Variants in C1orf167 observed in about 807,000 individuals in gnomAD.
C1orf167 encodes chromosome 1 open reading frame 167.
A neutral mutation model predicts 176.5 loss-of-function variants in C1orf167; 153 were observed. The observed-to-expected ratio is 0.87, with a 90% confidence interval of 0.76 to 0.99. The LOEUF is 0.99. Ranked by LOEUF, C1orf167 falls within the 50% of genes least tolerant of loss-of-function variation. The pLI is 0.00. For missense variants in C1orf167, 1,490 were observed against 1,817.7 expected, an observed-to-expected ratio of 0.82 and a Z score of 3.28; for synonymous variants, 594 against 752.7, an observed-to-expected ratio of 0.79 and a Z score of 3.45.
chr1:11,771,899 A>G (rs923985953), intron 7 of C1orf167, among the ~76,000 whole-genome samples, 183 bp from the exon 8 acceptor site: 16 of 152,176 alleles, frequency 1.1e-4, no homozygotes, highest in Admixed American at 7.2e-4. Flanking sequence ...CACGGCCTGC[A>G]TTTCTGGGCT....
chr1:11,769,861 C>T (rs960874137), intron 6 of C1orf167, among the ~76,000 whole-genome samples: 10 of 151,968 alleles, frequency 6.6e-5, no homozygotes, highest in East Asian at 2.0e-4. Context: ...TTAGTAGAGA[C>T]GGGGTTTCAC....
chr1:11,772,772 A>G (rs1163210410), intron 8 of C1orf167, among the ~76,000 whole-genome samples: 1 of 152,228 alleles, frequency 6.6e-6, no homozygotes, highest in East Asian at 1.9e-4. Context: ...GGGAACAGAC[A>G]GGAAACTAGC....
rs1557732047 is a variant in C1orf167 at position 11,775,576 on chromosome 1, GGTGACCC to G, written c.2131_2137del (p.Val711SerfsTer83). The G allele has an allele frequency of 7.7e-7, 1 of 1,303,988 alleles. No individual in the cohort carries two copies. The highest frequency in any genetic ancestry group is 2.3e-5 in the Admixed American group (1 of 43,506). The allele number at this position is 1,303,988 out of a possible 1,614,324, so 80.8% of individuals were successfully genotyped here. ...AGCTCCGGGAATCAGATGGGGCAAAGGTGACCCAGCTGTCCCTCTGCCGGCAGAAAGC... is the reference window on the plus strand; with the variant it reads ...AGCTCCGGGAATCAGATGGGGCAAAGAGCTGTCCCTCTGCCGGCAGAAAGC... On this transcript the variant is annotated frameshift_variant, in exon 9 of 21. Transcript: ENST00000688073. LOFTEE classifies it high-confidence loss of function.
Position 11,782,260 on chromosome 1 carries a change from T to G in C1orf167, c.2932T>G (p.Phe978Val), listed in dbSNP as rs1178444695. The G allele has an allele frequency of 7.7e-7, 1 of 1,302,000 alleles. No individual in the cohort carries two copies. Among genetic ancestry groups the G allele is most frequent in the Non-Finnish European group, 1.0e-6 (1 of 988,210 alleles). The allele number at this position is 1,302,000 out of a possible 1,614,324, so 80.7% of individuals were successfully genotyped here. Residue 978 changes from phenylalanine to valine, a missense_variant, in exon 14 of 21, where the codon TTC becomes GTC. Coordinates refer to ENST00000688073, the MANE Select transcript of C1orf167 (RefSeq NM_001010881.2). ...CCTCCAGGGCCTGCAGAAGGTGGTG[T>G]TCCGGAGCTGGCAGCAGGCAGCAGC... Reference protein sequence around the residue: ...VHLQGLQKVVFRSWQQAAAHQ... With the variant: ...VHLQGLQKVVVRSWQQAAAHQ...
intron 2 of C1orf167, 77 bp downstream of exon 2, chr1:11,764,547 C>T: frequency 8.4e-7 from 1 of 1,195,166 alleles, no homozygotes; most frequent in Non-Finnish European, 1.1e-6. Context: ...AGCCCCCCTC[C>T]CAGGCAGGCC....
At chr1:11,778,866 G>T (rs1643457216) in intron 11 of C1orf167, 50 bp downstream of exon 11, 4 of 1,293,838 alleles carry the variant, frequency 3.1e-6, no homozygotes, top group Non-Finnish European at 4.1e-6. Flanking sequence ...GGGTGGATGG[G>T]TGGAGATTGT....
Position 11,776,428 on chromosome 1 carries a change from G to C in C1orf167, c.2165-36G>C, listed in dbSNP as rs1212782444. 2.3e-6 allele frequency: 3 copies of C among 1,288,310 alleles called. No individual in the cohort carries two copies. In the Admixed American group the frequency reaches 7.3e-5, roughly 31 times the overall value. The allele number at this position is 1,288,310 out of a possible 1,614,324, so 79.8% of individuals were successfully genotyped here. The stretch of plus-strand genomic sequence containing the variant: ...GGCTGTGGGCAGAGTGAGGTCAGTG[G>C]GGAGGCAGCTGACTGGACTCTTGAC... On this transcript the variant is annotated intron_variant, in intron 9 of 20. Transcript: ENST00000688073.
chr1:11,785,076 GC>G, intron 15 of C1orf167, 71 bp from the exon 16 acceptor site: 2 of 1,178,738 alleles, frequency 1.7e-6, no homozygotes, highest in Non-Finnish European at 2.2e-6. Context: ...CTCCCGCAGG[GC>G]ACTGGGGGGG....
In C1orf167 at chr1:11,785,195, G is replaced by C. The variant is rs757588655; in HGVS notation, c.3473G>C (p.Arg1158Pro). The C allele has an allele frequency of 1.6e-5, 21 of 1,291,684 alleles. No homozygotes were observed. The South Asian group carries it at 2.3e-4, about 14-fold the overall frequency. The allele number at this position is 1,291,684 out of a possible 1,614,324, so 80.0% of individuals were successfully genotyped here. Residue 1158 changes from arginine to proline, a missense_variant, in exon 16 of 21, where the codon CGA becomes CCA. Physicochemically the swap from Arg to Pro is moderately radical, Grantham distance 103. Coordinates refer to ENST00000688073, the MANE Select transcript of C1orf167 (RefSeq NM_001010881.2). ...TCGGCGGTGCGCGGCGGTGTCCAGC[G>C]AGCCATCCTCACCCAGCTCCGGCCG... ...VQSAVRGGVQ[R>P]AILTQLRPAE...
intron 2 of C1orf167, among the ~76,000 whole-genome samples, chr1:11,764,946 C>T (rs1030940231): frequency 4.2e-5 from 6 of 144,358 alleles, no homozygotes; most frequent in Middle Eastern, 3.8e-3. Context: ...CCCAGCTACT[C>T]GGGAGGCTGC....
rs1412996728 is a variant in C1orf167, at chr1:11,788,279, G to A, written c.3979G>A (p.Ala1327Thr). ...TGCAGCGCCGGTGCCTCGAGGCACT[G>A]CTTCACGGGCTGCGGGGTTCCCAGC... ...VPAAPVPRGTASRAAGFPAGQ... is the reference protein window; with the variant it reads ...VPAAPVPRGTTSRAAGFPAGQ... The change falls in exon 19 of 21, where the codon GCT (alanine) becomes ACT (threonine). Residue 1327 changes from alanine (A) to threonine (T), a missense_variant. Ala to Thr is a moderately conservative substitution (Grantham distance 58, BLOSUM62 0). Transcript: ENST00000688073. 3 of 1,303,748 alleles carry A rather than the reference G, an allele frequency of 2.3e-6. No individual in the cohort carries two copies. The highest frequency in any genetic ancestry group is 1.5e-5 in the African/African-American group (1 of 65,888). The allele number at this position is 1,303,748 out of a possible 1,614,324, so 80.8% of individuals were successfully genotyped here.
Position 11,788,754 on chromosome 1 carries a change from C to G in C1orf167, c.4173+8C>G. 7.7e-7 allele frequency: 1 copy of G among 1,303,940 alleles called. No individual in the cohort carries two copies. The highest frequency in any genetic ancestry group is 1.0e-6 in the Non-Finnish European group (1 of 988,754). 80.8% of individuals were successfully genotyped at this position (1,303,940 alleles called of 1,614,324 possible). On this transcript the variant is annotated splice_region_variant and intron_variant, in intron 20 of 20. Coordinates refer to ENST00000688073, the MANE Select transcript of C1orf167 (RefSeq NM_001010881.2). ...ACAGCAGCAGGAAGATGGGTGGGTC[C>G]TTTCCCAGGTACTGCCCTCTTCCCT...
At position 11,766,561 on chromosome 1, in the gene C1orf167, C is replaced by A; in HGVS notation, c.775C>A (p.Pro259Thr). Residue 259 changes from proline (P) to threonine (T), a missense_variant, in exon 3 of 21, where the codon CCC becomes ACC. By Grantham distance (38) the Pro-to-Thr change is conservative. Coordinates refer to ENST00000688073, the MANE Select transcript of C1orf167 (RefSeq NM_001010881.2). The surrounding 1 kb of genome is among the most constrained non-coding windows in gnomAD (Gnocchi z 4.5). ...GGCAGCCCGACTCAGGTGCCAGGCT[C>A]CCCAGGAACCCCCCGGTGCTGTGCA... ...QEAARLRCQA[P>T]QEPPGAVQQD... The A allele has an allele frequency of 8.0e-7, 1 of 1,247,392 alleles. No homozygotes were observed. The highest frequency in any genetic ancestry group is 1.0e-6 in the Non-Finnish European group (1 of 967,036). 77.3% of individuals were successfully genotyped at this position (1,247,392 alleles called of 1,614,324 possible). A position where few individuals can be genotyped will look rare whatever the true frequency, so the allele number is the denominator to read the frequency against.
chr1:11,772,705 G>C (rs1182248748), intron 8 of C1orf167, among the ~76,000 whole-genome samples: 2 of 152,204 alleles, frequency 1.3e-5, no homozygotes, highest in African/African-American at 2.4e-5. Flanking sequence ...TATAAGCAAA[G>C]CTTAGTCCCG....
intron 1 of C1orf167, 22 bp downstream of exon 1, chr1:11,762,327 C>T (rs1642545830): frequency 2.7e-6 from 1 of 367,494 alleles, no homozygotes; most frequent in South Asian, 2.0e-5. Context: ...TCCATGAGGG[C>T]AGGAAACTGA....
At position 11,766,696 on chromosome 1, in the gene C1orf167, G is replaced by T; in HGVS notation, c.910G>T (p.Glu304Ter). 7.8e-7 allele frequency: 1 copy of T among 1,289,780 alleles called. No individual in the cohort carries two copies. Among genetic ancestry groups the T allele is most frequent in the Non-Finnish European group, 1.0e-6 (1 of 988,856 alleles). 79.9% of individuals were successfully genotyped at this position (1,289,780 alleles called of 1,614,324 possible). A position where few individuals can be genotyped will look rare whatever the true frequency, so the allele number is the denominator to read the frequency against. Residue 304 changes from glutamate (E) to a stop codon, truncating the protein, a stop_gained, in exon 3 of 21, where the codon GAA (glutamate) becomes TAA (stop). Transcript: ENST00000688073. LOFTEE classifies it high-confidence loss of function. This position sits in a 1 kb window ranked among gnomAD's most constrained non-coding sequence, Gnocchi z 4.5. The part of the protein sequence containing the change: ...GRRRRLRGHR[E>*]TAAFLETPAS... ...GAGGAGACGCCTTCGAGGCCACAGG[G>T]AAACTGCGGCTTTCTTGGAGACCCC... is the stretch of plus-strand genomic sequence containing the variant.
In C1orf167 at chr1:11,772,068, C is replaced by T; in HGVS notation, c.1811-14C>T. 1 of 1,296,424 alleles carries T rather than the reference C, an allele frequency of 7.7e-7. No homozygotes were observed. Among genetic ancestry groups the T allele is most frequent in the South Asian group, 1.2e-5 (1 of 80,344 alleles). 80.3% of individuals were successfully genotyped at this position (1,296,424 alleles called of 1,614,324 possible). A position where few individuals can be genotyped will look rare whatever the true frequency, so the allele number is the denominator to read the frequency against. On this transcript the variant is annotated splice_polypyrimidine_tract_variant and intron_variant, in intron 7 of 20. Transcript: ENST00000688073. ...TTACTCTCTCTTTTCTCTCCCTCCTCCCTCTCTCCTTAGTGTTCTTCCTGT... is the reference window on the plus strand; with the variant it reads ...TTACTCTCTCTTTTCTCTCCCTCCTTCCTCTCTCCTTAGTGTTCTTCCTGT...
At chr1:11,763,817 G>T (rs1228614459) in intron 1 of C1orf167, among the ~76,000 whole-genome samples, 1 of 152,322 alleles carries the variant, frequency 6.6e-6, no homozygotes, top group Non-Finnish European at 1.5e-5. Context: ...TGCTCCAGGG[G>T]TCAGATCCTG....
chr1:11,768,336 G>C lies in C1orf167; in HGVS notation c.1542+61G>C. The C allele has an allele frequency of 7.9e-7, 1 of 1,262,344 alleles. No homozygotes were observed. The highest frequency in any genetic ancestry group is 1.0e-6 in the Non-Finnish European group (1 of 967,302). The allele number at this position is 1,262,344 out of a possible 1,614,324, so 78.2% of individuals were successfully genotyped here. On this transcript the variant is annotated intron_variant, in intron 5 of 20. Transcript: ENST00000688073. This position sits in a 1 kb window ranked among gnomAD's most constrained non-coding sequence, Gnocchi z 4.5. ...GAAGCAGTGGTGTGTCTGGGGAGGAGACTCAGTCTACGGAGAGGACACCCA... is the reference window on the plus strand; with the variant it reads ...GAAGCAGTGGTGTGTCTGGGGAGGACACTCAGTCTACGGAGAGGACACCCA...
Sources: allele counts gnomAD v4.1 joint callset (sites outside exome capture counted in the v4.1 genomes callset), GRCh38; gene constraint gnomAD v4.1.1; non-coding constraint Gnocchi (gnomAD v3.1); transcripts MANE v1.5; gene names NCBI Gene and HGNC (gene_info 2026-07-23, HGNC 2026-07-21).